Variants in DAB1 observed in about 807,000 individuals in gnomAD.
DAB1 encodes the protein disabled homolog 1.
Under a neutral mutation model 64.6 loss-of-function variants are expected in DAB1, and 15 were observed. The observed-to-expected ratio is 0.23, with a 90% CI of 0.16 to 0.36. DAB1 has a LOEUF of 0.36. Ranked by LOEUF, DAB1 falls within the 10% of genes least tolerant of loss-of-function variation. The pLI is 1.00. For missense variants in DAB1, 596 were observed against 706.7 expected (o/e 0.84, Z 1.78); for synonymous variants, 235 against 251.9 (o/e 0.93, Z 0.64).
intron 1 of DAB1, among the ~76,000 whole-genome samples, chr1:57,856,056 A>G (rs1653737967): frequency 6.6e-6 from 1 of 152,196 alleles, no homozygotes; most frequent in African/African-American, 2.4e-5. Flanking sequence ...GTAGAGAATA[A>G]TTACCAAGAC....
intron 6 of DAB1, among the ~76,000 whole-genome samples, chr1:57,708,506 A>C (rs1646992653): frequency 6.6e-6 from 1 of 152,238 alleles, no homozygotes; most frequent in Non-Finnish European, 1.5e-5. Flanking sequence ...GCAAAGCAGC[A>C]GGGCTTGCCC....
intron 6 of DAB1, among the ~76,000 whole-genome samples, chr1:57,762,515 C>G (rs1300948078): frequency 6.6e-6 from 1 of 152,100 alleles, no homozygotes; most frequent in East Asian, 1.9e-4. Flanking sequence ...AGAAAAATAT[C>G]TGCCATTTAT....
chr1:57,373,757 G>T (rs998499755), intron 1 of DAB1, among the ~76,000 whole-genome samples: 1 of 152,168 alleles, frequency 6.6e-6, no homozygotes, highest in East Asian at 1.9e-4. Context: ...GGTGGCTCTC[G>T]CGCCACGGGT....
At chr1:58,086,120 C>A (rs536687747) in intron 5 of DAB1, among the ~76,000 whole-genome samples, 33 of 151,206 alleles carry the variant, frequency 2.2e-4, no homozygotes, top group East Asian at 7.8e-4. Context: ...CCCGCCACTA[C>A]GCCCGGCTAA....
chr1:57,930,786 A>G (rs1239881796), intron 5 of DAB1, among the ~76,000 whole-genome samples: 1 of 152,150 alleles, frequency 6.6e-6, no homozygotes, highest in Non-Finnish European at 1.5e-5. Flanking sequence ...TTCTACATAG[A>G]TTATTACATA....
At chr1:57,029,977 G>A (rs945847086) in intron 9 of DAB1, among the ~76,000 whole-genome samples, 6 of 152,146 alleles carry the variant, frequency 3.9e-5, no homozygotes, top group African/African-American at 1.4e-4. Context: ...TTTGAAATGT[G>A]AGGACATGAG....
At chr1:57,450,869 C>G (rs1461705750) in intron 7 of DAB1, among the ~76,000 whole-genome samples, 1 of 152,210 alleles carries the variant, frequency 6.6e-6, no homozygotes, top group Non-Finnish European at 1.5e-5. Context: ...CAGAGCTTAT[C>G]TCACACTTTT....
At chr1:58,458,560 T>C (rs1645212832) in intron 3 of DAB1, among the ~76,000 whole-genome samples, 1 of 152,212 alleles carries the variant, frequency 6.6e-6, no homozygotes, top group Non-Finnish European at 1.5e-5. Context: ...TCCCAGCATT[T>C]TGGGAGGCCA....
chr1:58,192,482 T>C (rs1008741365), intron 4 of DAB1, among the ~76,000 whole-genome samples: 2 of 152,224 alleles, frequency 1.3e-5, no homozygotes, highest in African/African-American at 2.4e-5. Context: ...ATGTGTATCA[T>C]TGTTATCTCC....
intron 4 of DAB1, among the ~76,000 whole-genome samples, chr1:58,189,027 T>C (rs572907609): frequency 7.9e-5 from 12 of 152,228 alleles, no homozygotes; most frequent in Non-Finnish European, 1.8e-4. Flanking sequence ...GTTGTTTTTT[T>C]ACATGTCCAT....
At chr1:57,555,726 C>T (rs1644980852) in intron 7 of DAB1, among the ~76,000 whole-genome samples, 1 of 152,242 alleles carries the variant, frequency 6.6e-6, no homozygotes, top group African/African-American at 2.4e-5. Flanking sequence ...AAGGATAGAA[C>T]CTACAACTTG....
chr1:57,279,627 T>C (rs1056310741), intron 2 of DAB1, among the ~76,000 whole-genome samples: 1 of 152,232 alleles, frequency 6.6e-6, no homozygotes, highest in Non-Finnish European at 1.5e-5. Context: ...CACACACAGT[T>C]GGCCCTCCAT....
chr1:57,113,146 G>A lies in DAB1; in HGVS notation c.306+23397C>T, dbSNP rs183225920. Among the ~76,000 whole-genome samples the A allele has an allele frequency of 3.3e-5, 5 of 152,284 alleles. No individual in the cohort carries two copies. The East Asian group carries it at 9.7e-4, about 29-fold the overall frequency. Reference sequence around the variant, plus strand: ...ATGGCCTGTTTCATAACCCAGCTCTGTCACTTACCACCTGAGTGGGTTCAG... The same window carrying A: ...ATGGCCTGTTTCATAACCCAGCTCTATCACTTACCACCTGAGTGGGTTCAG... On this transcript the variant is annotated intron_variant, in intron 4 of 14. Transcript: ENST00000371236.
chr1:58,518,266 GAGAGA>G (rs373464834), intron 2 of DAB1, among the ~76,000 whole-genome samples: 3 of 13,670 alleles, frequency 2.2e-4, no homozygotes, highest in African/African-American at 7.8e-4. Flanking sequence ...GAGGGGAGAG[GAGAGA>G]GGAGAGGAGA....
chr1:58,434,871 C>T (rs1398221255), intron 3 of DAB1, among the ~76,000 whole-genome samples: 4 of 152,212 alleles, frequency 2.6e-5, no homozygotes, highest in Non-Finnish European at 5.9e-5. Context: ...TCCACAGTCT[C>T]CCCACCCAGC....
chr1:58,336,716 C>A (rs185063077), intron 4 of DAB1, among the ~76,000 whole-genome samples: 296 of 152,114 alleles, frequency 1.9e-3, no homozygotes, highest in Non-Finnish European at 3.3e-3. Flanking sequence ...TTTAGGATAA[C>A]AATAATAATA....
intron 5 of DAB1, among the ~76,000 whole-genome samples, chr1:58,030,491 AT>A (rs1646956272): frequency 6.6e-6 from 1 of 152,238 alleles, no homozygotes; most frequent in Non-Finnish European, 1.5e-5. Flanking sequence ...AGAGCCACAG[AT>A]TAAACAAGAT....
intron 1 of DAB1, among the ~76,000 whole-genome samples, chr1:57,398,283 GC>G (rs1165268283): frequency 1.3e-5 from 2 of 152,130 alleles, no homozygotes; most frequent in African/African-American, 4.8e-5. Context: ...AGAACATGGG[GC>G]CTTATGTGAG....
chr1:58,511,496 G>A (rs1557447245), intron 2 of DAB1, among the ~76,000 whole-genome samples: 3 of 152,024 alleles, frequency 2.0e-5, no homozygotes, highest in Non-Finnish European at 4.4e-5. Context: ...AAATTAGGCA[G>A]GTGTGATGGT....
Sources: gnomAD v4.1 joint callset for allele counts (sites outside exome capture counted in the v4.1 genomes callset) on GRCh38, gnomAD v4.1.1 for gene constraint, MANE v1.5 for transcripts, NCBI Gene and HGNC (gene_info 2026-07-23, HGNC 2026-07-21) for gene names.